ADAM29: variants seen among roughly 807,000 people sequenced by gnomAD.
ADAM29 encodes the protein ADAM metallopeptidase domain 29.
For missense variants in ADAM29, 969 were observed against 1,001.8 expected (o/e 0.97, Z 0.44); for synonymous variants, 367 against 342.3 (o/e 1.07, Z -0.80).
At chr4:174,923,306 C>G (rs187085527) in intron 2 of ADAM29, among the ~76,000 whole-genome samples, 2 of 151,742 alleles carry the variant, frequency 1.3e-5, no homozygotes, top group African/African-American at 2.4e-5. Flanking sequence ...CCACCCACCT[C>G]GGACTCCCAA....
chr4:174,970,863 TTTTC>T (rs554614791), intron 4 of ADAM29, among the ~76,000 whole-genome samples: 40 of 152,272 alleles, frequency 2.6e-4, no homozygotes, highest in Middle Eastern at 3.4e-3. Flanking sequence ...AGTCTTCTTT[TTTTC>T]TTTATCTAGC....
chr4:174,967,321 TTTA>T (rs60692550), intron 4 of ADAM29, among the ~76,000 whole-genome samples: 5 of 151,972 alleles, frequency 3.3e-5, no homozygotes, highest in Admixed American at 2.6e-4. Flanking sequence ...ATCTCTTCAT[TTTA>T]TTATTATTAT....
Position 174,971,963 on chromosome 4 carries a change from G to A in ADAM29, c.-180-3383G>A, listed in dbSNP as rs369761710. 5.3e-5 allele frequency among the ~76,000 whole-genome samples: 8 copies of A among 152,002 alleles called. 1 individual carries two copies. The highest frequency in any genetic ancestry group is 9.6e-5 in the African/African-American group (4 of 41,462). ...GTTCACTGATTGTTTCTTCTGCTTC[G>A]CCTAGTCCATTGCTGAAGCTCTCTA... On this transcript the variant is annotated intron_variant, in intron 4 of 4. Coordinates refer to ENST00000359240, the MANE Select transcript of ADAM29 (RefSeq NM_014269.4).
rs141115697 is a variant in ADAM29 at position 174,977,932 on chromosome 4, C to T, written c.2407C>T (p.Gln803Ter). The stretch of plus-strand genomic sequence containing the variant: ...GAGTCAACCTCCTGTGACACCCTCC[C>T]AGAGGCAACCTCAGTTGATGCCTTC... ...SQSQPPVTPS[Q>*]RQPQLMPSQS... The change falls in exon 5 of 5, where the codon CAG becomes TAG. Residue 803 changes from glutamine (Q) to a stop codon, truncating the protein, a stop_gained. Coordinates refer to ENST00000359240, the MANE Select transcript of ADAM29 (RefSeq NM_014269.4). LOFTEE classifies it high-confidence loss of function. 1.6e-5 allele frequency: 26 copies of T among 1,576,972 alleles called. No individual in the cohort carries two copies. The highest frequency in any genetic ancestry group is 3.4e-4 in the Middle Eastern group (2 of 5,912).
rs549801664 is a variant in ADAM29, at chr4:174,932,379, A to T, written c.-262+1205A>T. ...AGAGAGTAAAGATGTAACAATTCTT[A>T]GTTTATAACTTCAAATATTAGGATC... On this transcript the variant is annotated intron_variant, in intron 3 of 4. Coordinates refer to ENST00000359240, the MANE Select transcript of ADAM29 (RefSeq NM_014269.4). Among the ~76,000 whole-genome samples, 77 of 152,352 alleles carry T rather than the reference A, an allele frequency of 5.1e-4. 1 individual carries two copies. In the South Asian group the frequency reaches 0.015, roughly 30 times the overall value.
chr4:174,977,674 G>C lies in ADAM29; in HGVS notation c.2149G>C (p.Glu717Gln), dbSNP rs768648487. The change falls in exon 5 of 5, where the codon GAA (glutamate) becomes CAA (glutamine). Residue 717 changes from glutamate to glutamine, a missense_variant. Physicochemically the swap from Glu to Gln is conservative, Grantham distance 29. Coordinates refer to ENST00000359240, the MANE Select transcript of ADAM29 (RefSeq NM_014269.4). The part of the protein sequence containing the change: ...QQDVQTPSAK[E>Q]EEKIQRRPHE... ...AGATGTTCAAACTCCATCTGCAAAA[G>C]AAGAGGAAAAAATTCAGCGTCGACC... 5 of 1,614,120 alleles carry C rather than the reference G, an allele frequency of 3.1e-6. No homozygotes were observed. In the African/African-American group the frequency reaches 4.0e-5, roughly 13 times the overall value.
rs1411847241 is a variant in ADAM29 at position 174,975,540 on chromosome 4, C to T, written c.15C>T (p.Leu5=). The T allele has an allele frequency of 2.0e-6, 3 of 1,511,254 alleles. No homozygotes were observed. In the South Asian group the frequency reaches 4.1e-5, roughly 20 times the overall value. The allele number at this position is 1,511,254 out of a possible 1,614,324, so 93.6% of individuals were successfully genotyped here. The change falls in exon 5 of 5, where the codon CTC becomes CTT. Residue 5 remains leucine, a synonymous_variant. Coordinates refer to ENST00000359240, the MANE Select transcript of ADAM29 (RefSeq NM_014269.4). ...CCTTTTTGAACATGAAGATGTTACT[C>T]CTGCTGCATTGCCTTGGGGTGTTTC... MKML[L]LLHCLGVFLS... is the part of the protein sequence containing the mutation.
chr4:174,918,784 A>T (rs1361501091), intron 1 of ADAM29: 1 of 152,170 alleles, frequency 6.6e-6, no homozygotes, highest in Non-Finnish European at 1.5e-5. Context: ...CAGGGCAGTG[A>T]TATAAATTTG....
At position 174,976,176 on chromosome 4, in the gene ADAM29, C is replaced by A. The variant is rs368428894; in HGVS notation, c.651C>A (p.Asn217Lys). 2.5e-6 allele frequency: 4 copies of A among 1,610,584 alleles called. No homozygotes were observed. In the African/African-American group the frequency reaches 4.0e-5, roughly 16 times the overall value. Residue 217 changes from asparagine (N) to lysine (K), a missense_variant, in exon 5 of 5, where the codon AAC becomes AAA. Physicochemically the swap from Asn to Lys is moderately conservative, Grantham distance 94. Coordinates refer to ENST00000359240, the MANE Select transcript of ADAM29 (RefSeq NM_014269.4). The part of the protein sequence containing the change: ...DNYLYIRYER[N>K]DSKLLEDLYV... The stretch of plus-strand genomic sequence containing the variant: ...ATCTGTACATTCGTTATGAAAGGAA[C>A]GACTCAAAGTTGCTGGAGGATCTAT...
rs748303748 is a variant in ADAM29, at chr4:174,977,026, C to T, written c.1501C>T (p.Arg501Cys). The T allele has an allele frequency of 1.3e-5, 21 of 1,613,884 alleles. No individual in the cohort carries two copies. Among genetic ancestry groups the T allele is most frequent in the East Asian group, 2.2e-5 (1 of 44,878 alleles). The change falls in exon 5 of 5, where the codon CGC (arginine) becomes TGC (cysteine). Residue 501 changes from arginine (R) to cysteine (C), a missense_variant. Arg to Cys is a radical substitution (Grantham distance 180). Transcript: ENST00000359240. ...CTGCTATGAAAAGAGCTGTCATGAC[C>T]GCAATGAACAGTGTAGGAGGATTTT... ...GYCYEKSCHD[R>C]NEQCRRIFGA...
chr4:174,962,104 CA>C (rs1745854883), intron 4 of ADAM29, among the ~76,000 whole-genome samples: 1 of 152,122 alleles, frequency 6.6e-6, no homozygotes, highest in Non-Finnish European at 1.5e-5. Context: ...TGATTAACTT[CA>C]TATGTAAAAT....
chr4:174,966,616 T>C (rs546559015), intron 4 of ADAM29, among the ~76,000 whole-genome samples: 2 of 152,328 alleles, frequency 1.3e-5, no homozygotes, highest in East Asian at 3.9e-4. Context: ...ATGTTAATCC[T>C]GTCTGGTTTG....
intron 4 of ADAM29, among the ~76,000 whole-genome samples, chr4:174,948,718 G>A (rs1744994732): frequency 6.6e-6 from 1 of 152,100 alleles, no homozygotes; most frequent in Admixed American, 6.5e-5. Context: ...GAGGGGGTAG[G>A]GTTGTCAGCC....
intron 4 of ADAM29, among the ~76,000 whole-genome samples, chr4:174,966,908 A>T (rs560109726): frequency 1.3e-5 from 2 of 152,178 alleles, no homozygotes; most frequent in Non-Finnish European, 2.9e-5. Context: ...ATTTCATCCC[A>T]TCACTTTCCC....
chr4:174,924,148 G>A (rs1404346200), intron 2 of ADAM29: 1 of 152,098 alleles, frequency 6.6e-6, no homozygotes, highest in Non-Finnish European at 1.5e-5. Context: ...AACAATAATA[G>A]TACAGACAAC....
At chr4:174,971,873 T>G (rs1746498499) in intron 4 of ADAM29, among the ~76,000 whole-genome samples, 1 of 152,162 alleles carries the variant, frequency 6.6e-6, no homozygotes, top group Non-Finnish European at 1.5e-5. Flanking sequence ...TTTCTTAAGT[T>G]TTCTCCACTC....
At position 174,977,836 on chromosome 4, in the gene ADAM29, C is replaced by T. The variant is rs373683270; in HGVS notation, c.2311C>T (p.Arg771Trp). 7.8e-5 allele frequency: 124 copies of T among 1,584,930 alleles called. No homozygotes were observed. Among genetic ancestry groups the T allele is most frequent in the Non-Finnish European group, 1.0e-4 (120 of 1,164,568 alleles). ...TGTGACACCCTCCCAGAGTCAACCT[C>T]GGGTGATGCCTTCTCAGAGTCAACC... is the stretch of plus-strand genomic sequence containing the variant. ...PPVTPSQSQP[R>W]VMPSQSQPPV... The change falls in exon 5 of 5, where the codon CGG becomes TGG. Residue 771 changes from arginine to tryptophan, a missense_variant. Coordinates refer to ENST00000359240, the MANE Select transcript of ADAM29 (RefSeq NM_014269.4).
At chr4:174,936,444 G>T (rs1316140557) in intron 3 of ADAM29, among the ~76,000 whole-genome samples, 1 of 151,874 alleles carries the variant, frequency 6.6e-6, no homozygotes, top group Non-Finnish European at 1.5e-5. Flanking sequence ...TACTTTAGCA[G>T]AATATACCAT....
intron 4 of ADAM29, among the ~76,000 whole-genome samples, chr4:174,951,979 T>C (rs1209907814): frequency 1.3e-5 from 2 of 152,096 alleles, no homozygotes; most frequent in African/African-American, 4.8e-5. Flanking sequence ...TAACAATATA[T>C]TGTATACTTG....
Sources: allele counts gnomAD v4.1 joint callset (sites outside exome capture counted in the v4.1 genomes callset), GRCh38; gene constraint gnomAD v4.1.1; transcripts MANE v1.5; gene names NCBI Gene and HGNC (gene_info 2026-07-23, HGNC 2026-07-21).